GDAP1: variants seen among roughly 807,000 people sequenced by gnomAD.
The protein encoded by GDAP1 is ganglioside induced differentiation associated protein 1.
Under a neutral mutation model 40.1 loss-of-function variants are expected in GDAP1, and 34 were observed. The ratio of observed to expected loss-of-function variants is 0.85; its 90% CI spans 0.64 to 1.13. The LOEUF (loss-of-function observed/expected upper bound fraction) is 1.13. Ranked by LOEUF, GDAP1 falls within the 50% of genes most tolerant of loss-of-function variation. The pLI is 0.00. For synonymous variants in GDAP1, 170 were observed against 157.4 expected (o/e 1.08, Z -0.60); for missense variants, 374 against 433.7 (o/e 0.86, Z 1.22).
intron 2 of GDAP1, among the ~76,000 whole-genome samples, chr8:74,396,472 AT>A (rs1420703938): frequency 6.6e-6 from 1 of 152,046 alleles, no homozygotes; most frequent in Non-Finnish European, 1.5e-5. Flanking sequence ...CGTCATTTAC[AT>A]TAGGTATATC....
chr8:74,433,722 T>C (rs889236175), intron 2 of GDAP1, among the ~76,000 whole-genome samples: 2 of 152,084 alleles, frequency 1.3e-5, no homozygotes, highest in African/African-American at 4.8e-5. Flanking sequence ...TATCGGGAGG[T>C]GATCTCTAGG....
chr8:74,410,760 GCTC>G (rs1805699261), intron 2 of GDAP1, among the ~76,000 whole-genome samples: 1 of 150,376 alleles, frequency 6.6e-6, no homozygotes, highest in African/African-American at 2.5e-5. Context: ...GTCAGGATCT[GCTC>G]AGTTGTTCTG....
At chr8:74,354,867 G>T (rs1471085336) in intron 2 of GDAP1, among the ~76,000 whole-genome samples, 1 of 152,194 alleles carries the variant, frequency 6.6e-6, no homozygotes, top group Non-Finnish European at 1.5e-5. Flanking sequence ...CATGAGGTGT[G>T]CAGTCGCCCA....
chr8:74,375,859 A>C (rs778301635), intron 2 of GDAP1, among the ~76,000 whole-genome samples: 3 of 152,348 alleles, frequency 2.0e-5, no homozygotes, highest in Non-Finnish European at 4.4e-5. Context: ...TTTGTAATTG[A>C]TATGATTTTT....
intron 2 of GDAP1, among the ~76,000 whole-genome samples, chr8:74,381,315 C>T (rs1809949904): frequency 6.6e-6 from 1 of 152,032 alleles, no homozygotes; most frequent in Non-Finnish European, 1.5e-5. Context: ...TGGAAACAAT[C>T]TTGTTTATCA....
At chr8:74,457,357 T>C (rs142656296) in intron 2 of GDAP1, among the ~76,000 whole-genome samples, 330 of 152,186 alleles carry the variant, frequency 2.2e-3, no homozygotes, top group African/African-American at 7.5e-3. Context: ...GCTTGGAATA[T>C]TGCTACTTAG....
rs187510278 is a variant in GDAP1, at chr8:74,455,869, T to C, written c.166-32809T>C. On this transcript the variant is annotated intron_variant, in intron 2 of 2. Coordinates refer to the GDAP1 transcript ENST00000523640. ...GCTTCTATAAGGCAGGGAGTGGCAC[T>C]GTGAGCTGCTAGACACATTCCTAAG... 2.4e-4 allele frequency among the ~76,000 whole-genome samples: 36 copies of C among 152,044 alleles called. No homozygotes were observed. The East Asian group carries it at 6.2e-3, about 26-fold the overall frequency.
chr8:74,402,336 G>A (rs7814378), intron 2 of GDAP1, among the ~76,000 whole-genome samples: 4 of 149,998 alleles, frequency 2.7e-5, no homozygotes, highest in African/African-American at 5.1e-5. Flanking sequence ...GCGAGACTCC[G>A]TGGGCGTAGG....
intron 2 of GDAP1, among the ~76,000 whole-genome samples, chr8:74,406,993 A>C (rs1471695296): frequency 6.7e-6 from 1 of 149,934 alleles, no homozygotes. Flanking sequence ...GAATCACCAG[A>C]ATATAATTTT....
At chr8:74,462,491 A>G (rs750460271) in intron 2 of GDAP1, among the ~76,000 whole-genome samples, 1 of 152,196 alleles carries the variant, frequency 6.6e-6, no homozygotes, top group Non-Finnish European at 1.5e-5. Flanking sequence ...CAGGGTAAAA[A>G]TCGTTCATTC....
At chr8:74,473,935 T>C (rs1467073821) in intron 2 of GDAP1, among the ~76,000 whole-genome samples, 1 of 152,256 alleles carries the variant, frequency 6.6e-6, no homozygotes, top group Non-Finnish European at 1.5e-5. Context: ...TTCCTATCCA[T>C]GCACATGGAA....
At chr8:74,472,609 G>T (rs1305913970) in intron 2 of GDAP1, among the ~76,000 whole-genome samples, 1 of 150,674 alleles carries the variant, frequency 6.6e-6, no homozygotes, top group Non-Finnish European at 1.5e-5. Flanking sequence ...GTTTTTTTTT[G>T]ACTTTTTAAT....
chr8:74,432,293 A>G (rs984894850), intron 2 of GDAP1, among the ~76,000 whole-genome samples: 2 of 152,184 alleles, frequency 1.3e-5, no homozygotes, highest in Non-Finnish European at 2.9e-5. Context: ...TGCTGAGTCA[A>G]TAATCTTTAA....
rs1806453456 is a variant in GDAP1, at chr8:74,465,198, G to A, written c.166-23480G>A. ...TAGCACCACTTGCACTCCAGCCTGG[G>A]TGACAGAGCGAGACTCCTCTCCAAA... On this transcript the variant is annotated intron_variant, in intron 2 of 2. Transcript: ENST00000523640. Among the ~76,000 whole-genome samples the A allele has an allele frequency of 2.0e-5, 3 of 151,980 alleles. No individual in the cohort carries two copies. In the South Asian group the frequency reaches 6.2e-4, roughly 32 times the overall value.
intron 2 of GDAP1, among the ~76,000 whole-genome samples, chr8:74,475,808 A>G (rs1806621880): frequency 6.6e-6 from 1 of 152,192 alleles, no homozygotes; most frequent in African/African-American, 2.4e-5. Context: ...CATTTGGTCC[A>G]GTGTTAAGTT....
intron 2 of GDAP1, among the ~76,000 whole-genome samples, chr8:74,358,760 C>T (rs1047951575): frequency 8.6e-5 from 13 of 151,970 alleles, no homozygotes; most frequent in Admixed American, 1.3e-4. Context: ...AGAACTGTTG[C>T]GCTTAGGGGT....
At chr8:74,473,332 G>T (rs1366131802) in intron 2 of GDAP1, among the ~76,000 whole-genome samples, 1 of 152,050 alleles carries the variant, frequency 6.6e-6, no homozygotes, top group Non-Finnish European at 1.5e-5. Context: ...TGCTTTTGTT[G>T]CAAATGTTTT....
intron 2 of GDAP1, among the ~76,000 whole-genome samples, chr8:74,434,840 AG>A (rs1806069410): frequency 6.6e-6 from 1 of 152,226 alleles, no homozygotes; most frequent in Non-Finnish European, 1.5e-5. Flanking sequence ...ATACAAAAAA[AG>A]TGCTCATCTT....
chr8:74,392,683 T>C (rs182104849), intron 2 of GDAP1, among the ~76,000 whole-genome samples: 144 of 152,336 alleles, frequency 9.5e-4, no homozygotes, highest in Non-Finnish European at 1.8e-3. Flanking sequence ...CCTTTGGAAG[T>C]AGGCATGGTC....
Sources: gnomAD v4.1 joint callset for allele counts (sites outside exome capture counted in the v4.1 genomes callset) on GRCh38, gnomAD v4.1.1 for gene constraint, MANE v1.5 for transcripts, NCBI Gene and HGNC (gene_info 2026-07-23, HGNC 2026-07-21) for gene names.